Variants in HDAC9 observed in about 807,000 individuals in gnomAD.
HDAC9 encodes the protein histone deacetylase 9.
HDAC9 carries 41 observed loss-of-function variants against 139.4 expected under a neutral mutation model. The ratio of observed to expected loss-of-function variants is 0.29; its 90% CI spans 0.23 to 0.38. The LOEUF (loss-of-function observed/expected upper bound fraction) is 0.38. Ranked by LOEUF, HDAC9 falls within the 10% of genes least tolerant of loss-of-function variation. The pLI, the probability that HDAC9 is intolerant of heterozygous loss-of-function variation, is 1.00. For synonymous variants in HDAC9, 517 were observed against 476.2 expected, an observed-to-expected ratio of 1.09 and a Z score of -1.12; for missense variants, 1,147 against 1,297.0, an observed-to-expected ratio of 0.88 and a Z score of 1.78.
At chr7:18,691,322 ATC>A (rs1274860478) in intron 12 of HDAC9, among the ~76,000 whole-genome samples, 3 of 152,066 alleles carry the variant, frequency 2.0e-5, no homozygotes, top group Admixed American at 6.6e-5. Flanking sequence ...ACAGACAATA[ATC>A]CAGAAGTTTA....
intron 2 of HDAC9, among the ~76,000 whole-genome samples, chr7:18,573,212 A>C (rs960610653): frequency 3.3e-5 from 5 of 152,238 alleles, no homozygotes; most frequent in African/African-American, 1.2e-4. Flanking sequence ...CTTGAACAGA[A>C]TCACTGTGAG....
At chr7:18,374,205 A>G (rs1585448061) in intron 1 of HDAC9, among the ~76,000 whole-genome samples, 2 of 151,302 alleles carry the variant, frequency 1.3e-5, no homozygotes, top group African/African-American at 2.4e-5. Context: ...GTGTGTATAT[A>G]TATATATATA....
chr7:18,283,198 T>A (rs770736681), intron 2 of HDAC9, among the ~76,000 whole-genome samples: 11 of 152,010 alleles, frequency 7.2e-5, no homozygotes, highest in Non-Finnish European at 1.3e-4. Context: ...AAACTTACAA[T>A]CATGGTGGAA....
At chr7:18,198,219 C>T (rs1183441577) in intron 2 of HDAC9, among the ~76,000 whole-genome samples, 1 of 151,788 alleles carries the variant, frequency 6.6e-6, no homozygotes, top group Non-Finnish European at 1.5e-5. Context: ...ATTTTCTTCG[C>T]AAAATATTAA....
intron 13 of HDAC9, among the ~76,000 whole-genome samples, chr7:18,729,930 T>G (rs1438208043): frequency 6.6e-6 from 1 of 152,182 alleles, no homozygotes; most frequent in Admixed American, 6.5e-5. Flanking sequence ...TAGTTCAAAT[T>G]TGAATACACT....
chr7:18,426,739 T>C (rs1302951958), intron 1 of HDAC9, among the ~76,000 whole-genome samples: 1 of 152,216 alleles, frequency 6.6e-6, no homozygotes, highest in Non-Finnish European at 1.5e-5. Flanking sequence ...TTGCCTTTAT[T>C]GAAAGGTTTG....
chr7:18,933,966 G>T (rs144340930), intron 22 of HDAC9, among the ~76,000 whole-genome samples: 2 of 151,956 alleles, frequency 1.3e-5, no homozygotes, highest in South Asian at 4.1e-4. Context: ...AAAAATATAC[G>T]TAATGCAGGA....
intron 21 of HDAC9, among the ~76,000 whole-genome samples, chr7:18,856,233 A>G (rs1797667575): frequency 1.3e-5 from 2 of 152,162 alleles, no homozygotes; most frequent in East Asian, 1.9e-4. Flanking sequence ...TTAGATTTTT[A>G]TAACTGCAGA....
chr7:18,117,657 C>G (rs1050644101), intron 1 of HDAC9, among the ~76,000 whole-genome samples: 3 of 152,080 alleles, frequency 2.0e-5, no homozygotes, highest in Admixed American at 2.0e-4. Flanking sequence ...TGCCTGCCAC[C>G]AGCAGAAGCT....
chr7:18,670,738 T>C (rs1265613338), intron 12 of HDAC9, among the ~76,000 whole-genome samples: 2 of 152,060 alleles, frequency 1.3e-5, no homozygotes, highest in Non-Finnish European at 2.9e-5. Flanking sequence ...ATCTGCCCGA[T>C]ATGCTTACTT....
chr7:18,170,308 G>A (rs1480621685), intron 2 of HDAC9, among the ~76,000 whole-genome samples: 1 of 152,080 alleles, frequency 6.6e-6, no homozygotes, highest in Non-Finnish European at 1.5e-5. Context: ...GATGGGCTGG[G>A]TTGTTTTTTT....
At chr7:18,699,357 G>A (rs181156832) in intron 12 of HDAC9, among the ~76,000 whole-genome samples, 272 of 151,944 alleles carry the variant, frequency 1.8e-3, no homozygotes, top group African/African-American at 6.3e-3. Context: ...GGAGTCTGTA[G>A]GTGTGTCTGT....
chr7:18,740,290 G>C (rs1310820274), intron 13 of HDAC9, among the ~76,000 whole-genome samples: 1 of 152,104 alleles, frequency 6.6e-6, no homozygotes, highest in African/African-American at 2.4e-5. Context: ...TCTCCAACCA[G>C]TCTTATTGAG....
intron 21 of HDAC9, among the ~76,000 whole-genome samples, chr7:18,852,513 A>G (rs991461736): frequency 6.6e-6 from 1 of 152,204 alleles, no homozygotes. Context: ...CAAAAATTCA[A>G]AAATAGGTAC....
intron 12 of HDAC9, among the ~76,000 whole-genome samples, chr7:18,677,628 T>C (rs1436209639): frequency 1.3e-5 from 2 of 151,952 alleles, no homozygotes; most frequent in Non-Finnish European, 2.9e-5. Flanking sequence ...TGCGTTCTTG[T>C]TTACACTTGA....
intron 12 of HDAC9, among the ~76,000 whole-genome samples, chr7:18,721,201 A>G (rs894161734): frequency 6.6e-6 from 1 of 152,180 alleles, no homozygotes; most frequent in Non-Finnish European, 1.5e-5. Context: ...ATGAACACTC[A>G]TAACATCCAG....
intron 1 of HDAC9, among the ~76,000 whole-genome samples, chr7:18,127,668 ACAG>A: frequency 6.6e-6 from 1 of 152,192 alleles, no homozygotes; most frequent in Non-Finnish European, 1.5e-5. Context: ...TTTACTTAAC[ACAG>A]CCATGCTTTA....
At chr7:18,531,424 CTTAAT>C (rs1388234153) in intron 2 of HDAC9, among the ~76,000 whole-genome samples, 6 of 151,988 alleles carry the variant, frequency 3.9e-5, no homozygotes, top group Admixed American at 6.6e-5. Context: ...AATGATTTAT[CTTAAT>C]TTAATTTCTT....
chr7:18,639,418 T>C (rs1784869029), intron 8 of HDAC9, among the ~76,000 whole-genome samples: 1 of 152,072 alleles, frequency 6.6e-6, no homozygotes, highest in Admixed American at 6.6e-5. Context: ...CATCAGTGCC[T>C]TTCAAATGCT....
Sources: gnomAD v4.1 joint callset for allele counts (sites outside exome capture counted in the v4.1 genomes callset) on GRCh38, gnomAD v4.1.1 for gene constraint, MANE v1.5 for transcripts, NCBI Gene and HGNC (gene_info 2026-07-23, HGNC 2026-07-21) for gene names.